The following RBFOX1 variants were observed in gnomAD, a reference collection of about 807,000 sequenced individuals.
RBFOX1 encodes the protein RNA binding fox-1 homolog 1.
Under a neutral mutation model 57.7 loss-of-function variants are expected in RBFOX1, and 8 were observed. The ratio of observed to expected loss-of-function variants is 0.14; its 90% CI spans 0.08 to 0.25. The LOEUF (loss-of-function observed/expected upper bound fraction) is 0.25. RBFOX1 is among the 10% of genes least tolerant of loss of function. The pLI is 1.00. For missense variants in RBFOX1, 611 were observed against 548.5 expected (o/e 1.11, Z -1.14); for synonymous variants, 326 against 222.4 (o/e 1.47, Z -4.15).
intron 2 of RBFOX1, among the ~76,000 whole-genome samples, chr16:5,538,040 T>C (rs1295344202): frequency 2.0e-5 from 3 of 152,132 alleles, no homozygotes; most frequent in Non-Finnish European, 4.4e-5. Context: ...TCCAGATCTT[T>C]GGTGACACAC....
At chr16:7,605,991 A>G (rs1004394161) in intron 9 of RBFOX1, among the ~76,000 whole-genome samples, 13 of 152,004 alleles carry the variant, frequency 8.6e-5, no homozygotes, top group Non-Finnish European at 1.8e-4. Context: ...TATTTTTAGT[A>G]GAGTCAAGGT....
chr16:6,481,347 AT>A (rs1310803646), intron 2 of RBFOX1, among the ~76,000 whole-genome samples: 2 of 152,214 alleles, frequency 1.3e-5, no homozygotes, highest in Admixed American at 6.5e-5. Context: ...GAGAATAGCA[AT>A]TTATATCAAT....
chr16:7,225,198 A>ACGTGAT (rs1555599417), intron 4 of RBFOX1, among the ~76,000 whole-genome samples: 1 of 152,166 alleles, frequency 6.6e-6, no homozygotes, highest in East Asian at 1.9e-4. Flanking sequence ...TTGTAAGTGC[A>ACGTGAT]CGTGATCTCC....
chr16:6,835,156 C>T (rs188385929), intron 3 of RBFOX1, among the ~76,000 whole-genome samples: 24 of 152,194 alleles, frequency 1.6e-4, no homozygotes, highest in African/African-American at 5.1e-4. Flanking sequence ...CCACCTCGGC[C>T]TCCCACAGTG....
rs185019162 is a variant in RBFOX1 at position 5,459,634 on chromosome 16, A to T, written c.220-7582A>T. On this transcript the variant is annotated intron_variant, in intron 1 of 2. Coordinates refer to the RBFOX1 transcript ENST00000585867. ...CCCACAAATCTTTTTCAGTTTATTA[A>T]TAAGAATCGTCCTTCACCAAAAAAG... Among the ~76,000 whole-genome samples, 494 of 152,124 alleles carry T rather than the reference A, an allele frequency of 3.2e-3. 5 individuals are homozygous for T. The highest frequency in any genetic ancestry group is 0.011 in the African/African-American group (465 of 41,502).
chr16:7,517,073 G>C (rs1381830291), intron 4 of RBFOX1, among the ~76,000 whole-genome samples: 1 of 151,652 alleles, frequency 6.6e-6, no homozygotes, highest in Non-Finnish European at 1.5e-5. Flanking sequence ...CTGTCTTTCT[G>C]ACTGTGTGAT....
chr16:6,450,801 G>T (rs8053306), intron 2 of RBFOX1, among the ~76,000 whole-genome samples: 13 of 16,458 alleles, frequency 7.9e-4, no homozygotes, highest in African/African-American at 3.0e-3. Flanking sequence ...ATATATATAT[G>T]TATATATATA....
At position 6,219,880 on chromosome 16, in the gene RBFOX1, A is replaced by C. The variant is rs138851518; in HGVS notation, c.-126-97115A>C. On this transcript the variant is annotated intron_variant, in intron 1 of 15. Transcript: ENST00000550418. ...AACAAGAGCAAAACTGCATGTCAAA[A>C]AAACAAACAAACAAAAAAGAGAATA... is the stretch of plus-strand genomic sequence containing the variant. Among the ~76,000 whole-genome samples the C allele has an allele frequency of 5.1e-3, 781 of 152,276 alleles. 12 individuals carry two copies. The highest frequency in any genetic ancestry group is 0.018 in the African/African-American group (734 of 41,564).
At chr16:5,603,603 C>G (rs547757398), downstream of RBFOX1, among the ~76,000 whole-genome samples, 4 of 152,228 alleles carry the variant, frequency 2.6e-5, no homozygotes, top group Non-Finnish European at 5.9e-5. Flanking sequence ...ACCAATCTTT[C>G]TGCCCCTCGA....
intron 4 of RBFOX1, among the ~76,000 whole-genome samples, chr16:5,878,203 C>G (rs2057665440): frequency 6.6e-6 from 1 of 152,118 alleles, no homozygotes; most frequent in African/African-American, 2.4e-5. Context: ...CTGAAGGTGA[C>G]TCTTCATTGT....
chr16:5,289,965 C>T (rs1011896808), intron 1 of RBFOX1, among the ~76,000 whole-genome samples: 90 of 152,310 alleles, frequency 5.9e-4, no homozygotes, highest in African/African-American at 2.1e-3. Flanking sequence ...AAAGTGAAAA[C>T]AACACAAATG....
In RBFOX1 at chr16:6,093,328, A is replaced by C. The variant is rs2096202894; in HGVS notation, c.-127+73336A>C. Among the ~76,000 whole-genome samples, 2 of 152,054 alleles carry C rather than the reference A, an allele frequency of 1.3e-5. 1 individual carries two copies. The highest frequency in any genetic ancestry group is 4.1e-4 in the South Asian group (2 of 4,820). ...GTGGCTCGCACCTGTAGGCACATCT[A>C]CTTGGAAGGTTGAGGTGGGAAGATC... is the stretch of plus-strand genomic sequence containing the variant. On this transcript the variant is annotated intron_variant, in intron 1 of 15. Coordinates refer to ENST00000550418, the MANE Select transcript of RBFOX1 (RefSeq NM_018723.4).
chr16:5,371,084 A>G (rs1423896309), intron 1 of RBFOX1, among the ~76,000 whole-genome samples: 1 of 152,178 alleles, frequency 6.6e-6, no homozygotes, highest in East Asian at 1.9e-4. Flanking sequence ...AGTAGCTGGG[A>G]CTACAGGTGT....
intron 3 of RBFOX1, among the ~76,000 whole-genome samples, chr16:6,735,493 A>G (rs1299363007): frequency 6.6e-6 from 1 of 152,198 alleles, no homozygotes; most frequent in African/African-American, 2.4e-5. Flanking sequence ...ACATATTTCA[A>G]CAGTTATTTA....
chr16:6,650,642 T>G (rs1427222229), intron 2 of RBFOX1, among the ~76,000 whole-genome samples: 1 of 152,216 alleles, frequency 6.6e-6, no homozygotes, highest in Admixed American at 6.5e-5. Flanking sequence ...ACTTGACTGA[T>G]AGGAAAACAG....
intron 5 of RBFOX1, among the ~76,000 whole-genome samples, chr16:7,562,833 C>T (rs909854707): frequency 2.0e-5 from 3 of 152,212 alleles, no homozygotes; most frequent in Non-Finnish European, 4.4e-5. Flanking sequence ...ACTCTATGCC[C>T]ACTGTAGGTA....
chr16:5,599,544 A>G (rs916431119), exon 3 of RBFOX1: 23 of 341,130 alleles, frequency 6.7e-5, no homozygotes, highest in South Asian at 1.9e-4. Flanking sequence ...CGGCAATGCA[A>G]TCATGGTGTG....
chr16:6,200,197 G>C (rs1233111998), intron 1 of RBFOX1, among the ~76,000 whole-genome samples: 1 of 152,196 alleles, frequency 6.6e-6, no homozygotes, highest in Non-Finnish European at 1.5e-5. Flanking sequence ...CTTCTGGAAA[G>C]ATGAATACAA....
At chr16:7,436,048 A>C (rs1037045890) in intron 4 of RBFOX1, among the ~76,000 whole-genome samples, 15 of 152,146 alleles carry the variant, frequency 9.9e-5, no homozygotes, top group African/African-American at 3.6e-4. Flanking sequence ...AGCTCCCTGA[A>C]CATCGTGAGA....
Sources: allele counts gnomAD v4.1 joint callset (sites outside exome capture counted in the v4.1 genomes callset), GRCh38; gene constraint gnomAD v4.1.1; transcripts MANE v1.5; gene names NCBI Gene and HGNC (gene_info 2026-07-23, HGNC 2026-07-21).